The following CFAP20DC variants were observed in gnomAD, a reference collection of about 807,000 sequenced individuals.
CFAP20DC encodes the protein protein CFAP20DC.
CFAP20DC carries 84 observed loss-of-function variants against 101.7 expected under a neutral mutation model. The ratio of observed to expected loss-of-function variants is 0.83; its 90% confidence interval spans 0.69 to 0.99. The LOEUF is 0.99. Among genes scored for constraint, CFAP20DC ranks in the 50% least tolerant of loss-of-function variants. The pLI, the probability that CFAP20DC is intolerant of heterozygous loss-of-function variation, is 0.00. For missense variants in CFAP20DC, 1,007 were observed against 970.3 expected (o/e 1.04, Z -0.50); for synonymous variants, 359 against 351.2 (o/e 1.02, Z -0.25).
At chr3:58,812,724 AAAAAG>A (rs1343825320) in intron 14 of CFAP20DC, among the ~76,000 whole-genome samples, 1 of 151,832 alleles carries the variant, frequency 6.6e-6, no homozygotes, top group Non-Finnish European at 1.5e-5. Flanking sequence ...AATAAAATAA[AAAAAG>A]AAAAGAAGGG....
At chr3:58,991,084 C>T (rs1455283399) in intron 4 of CFAP20DC, among the ~76,000 whole-genome samples, 1 of 152,086 alleles carries the variant, frequency 6.6e-6, no homozygotes, top group Non-Finnish European at 1.5e-5. Flanking sequence ...ATAAAGAAAA[C>T]ATTAAAAATA....
intron 15 of CFAP20DC, among the ~76,000 whole-genome samples, chr3:58,762,830 G>T (rs1374604424): frequency 1.3e-5 from 2 of 152,186 alleles, no homozygotes; most frequent in East Asian, 3.9e-4. Context: ...ATTCTGGGTT[G>T]AAAATTATTT....
chr3:59,027,670 T>C (rs2093917179), intron 4 of CFAP20DC, among the ~76,000 whole-genome samples: 1 of 152,220 alleles, frequency 6.6e-6, no homozygotes, highest in South Asian at 2.1e-4. Flanking sequence ...CAAAATCATT[T>C]AGTGTGATTG....
At chr3:58,820,687 A>G (rs927496599) in intron 14 of CFAP20DC, among the ~76,000 whole-genome samples, 1 of 150,972 alleles carries the variant, frequency 6.6e-6, no homozygotes, top group Non-Finnish European at 1.5e-5. Context: ...ATGGGTAGGA[A>G]GAATCAATAT....
intron 4 of CFAP20DC, chr3:59,018,171 A>ATG (rs1491226763): frequency 6.6e-6 from 1 of 152,124 alleles, no homozygotes; most frequent in Admixed American, 6.5e-5. Context: ...GAGGAGAAAC[A>ATG]TGTGGCAAAC....
intron 4 of CFAP20DC, among the ~76,000 whole-genome samples, chr3:58,940,974 C>G (rs1559865845): frequency 6.6e-6 from 1 of 152,092 alleles, no homozygotes; most frequent in African/African-American, 2.4e-5. Context: ...CCCTGCACAT[C>G]TTTTGTTAAA....
intron 14 of CFAP20DC, among the ~76,000 whole-genome samples, chr3:58,819,434 A>G (rs1298351592): frequency 2.6e-5 from 4 of 151,498 alleles, no homozygotes; most frequent in Non-Finnish European, 4.4e-5. Context: ...AATCAAATAG[A>G]CACAATAAAA....
intron 7 of CFAP20DC, among the ~76,000 whole-genome samples, chr3:58,880,485 A>T (rs2081152794): frequency 6.6e-6 from 1 of 152,138 alleles, no homozygotes; most frequent in Non-Finnish European, 1.5e-5. Flanking sequence ...GATTTTTGTT[A>T]TTACAAGCAA....
intron 2 of CFAP20DC, among the ~76,000 whole-genome samples, 169 bp from the exon 3 acceptor site, chr3:59,046,491 C>T (rs932442090): frequency 2.0e-5 from 3 of 152,046 alleles, no homozygotes; most frequent in Admixed American, 6.5e-5. Flanking sequence ...AACTAGAATA[C>T]GGAGGCATGG....
At chr3:59,025,454 T>A (rs902843428) in intron 4 of CFAP20DC, among the ~76,000 whole-genome samples, 1 of 152,160 alleles carries the variant, frequency 6.6e-6, no homozygotes, top group African/African-American at 2.4e-5. Flanking sequence ...AAGAACAATT[T>A]AAAAATTAAA....
At chr3:59,045,548 G>A (rs1424081523) in intron 3 of CFAP20DC, among the ~76,000 whole-genome samples, 1 of 152,050 alleles carries the variant, frequency 6.6e-6, no homozygotes, top group African/African-American at 2.4e-5. Flanking sequence ...TTGTAACCCT[G>A]TCTCTGCTAA....
At chr3:58,872,616 C>G (rs535673966) in intron 7 of CFAP20DC, among the ~76,000 whole-genome samples, 1 of 152,196 alleles carries the variant, frequency 6.6e-6, no homozygotes, top group East Asian at 1.9e-4. Flanking sequence ...AGGTAAAAAC[C>G]ATGTCATTTT....
chr3:58,763,331 G>C (rs768230874), intron 15 of CFAP20DC, among the ~76,000 whole-genome samples: 1 of 152,066 alleles, frequency 6.6e-6, no homozygotes. Context: ...TGATCGAATC[G>C]GCTACTGAGG....
intron 4 of CFAP20DC, among the ~76,000 whole-genome samples, chr3:59,034,271 G>A (rs553539128): frequency 6.6e-6 from 1 of 152,302 alleles, no homozygotes; most frequent in African/African-American, 2.4e-5. Flanking sequence ...TTGACACTAT[G>A]AAGAAATTGC....
At chr3:58,743,316 T>C (rs1238817502) in intron 16 of CFAP20DC, among the ~76,000 whole-genome samples, 2 of 152,044 alleles carry the variant, frequency 1.3e-5, no homozygotes, top group African/African-American at 4.8e-5. Context: ...CCTGAGCACC[T>C]TTTATGTGTT....
Position 58,743,131 on chromosome 3 carries a change from G to A in CFAP20DC, c.2333-559C>T, listed in dbSNP as rs79726217. Among the ~76,000 whole-genome samples, 648 of 152,228 alleles carry A rather than the reference G, an allele frequency of 4.3e-3. 29 individuals are homozygous for A. The East Asian group carries it at 0.085, about 20-fold the overall frequency. ...GATTTGTAGTTTTATTAGTGGTGGC[G>A]GGAAGTCTGCTCAGTGTTTTGGGGA... On this transcript the variant is annotated intron_variant, in intron 16 of 16. Coordinates refer to ENST00000482387, the MANE Select transcript of CFAP20DC (RefSeq NM_001394063.1).
At chr3:58,846,910 G>A (rs200077972) in intron 13 of CFAP20DC, among the ~76,000 whole-genome samples, 1 of 150,338 alleles carries the variant, frequency 6.7e-6, no homozygotes, top group Admixed American at 6.6e-5. Flanking sequence ...AACAAACAAT[G>A]GGGAAAGGAT....
chr3:58,791,270 A>G lies in CFAP20DC; in HGVS notation c.2237+15125T>C, dbSNP rs377560269. Reference sequence around the variant, plus strand: ...CTATCATCACTTTCTACCATTTAATAAAAATATATATGCCAGGCCCTATGC... The same window carrying G: ...CTATCATCACTTTCTACCATTTAATGAAAATATATATGCCAGGCCCTATGC... On this transcript the variant is annotated intron_variant, in intron 15 of 16. Coordinates refer to ENST00000482387, the MANE Select transcript of CFAP20DC (RefSeq NM_001394063.1). 2.6e-5 allele frequency among the ~76,000 whole-genome samples: 4 copies of G among 152,152 alleles called. No individual in the cohort carries two copies. In the East Asian group the frequency reaches 7.7e-4, roughly 29 times the overall value.
intron 16 of CFAP20DC, among the ~76,000 whole-genome samples, chr3:58,745,360 A>G (rs1181374333): frequency 2.0e-5 from 3 of 152,138 alleles, no homozygotes; most frequent in African/African-American, 4.8e-5. Flanking sequence ...ATGTGACACA[A>G]ACACATGAAG....
Sources: gnomAD v4.1 joint callset for allele counts (sites outside exome capture counted in the v4.1 genomes callset) on GRCh38, gnomAD v4.1.1 for gene constraint, MANE v1.5 for transcripts, NCBI Gene and HGNC (gene_info 2026-07-23, HGNC 2026-07-21) for gene names.